LUZP2: variants seen among roughly 807,000 people sequenced by gnomAD.
LUZP2 encodes leucine zipper protein 2.
LUZP2 carries 52 observed loss-of-function variants against 51.6 expected under a neutral mutation model. That is an observed-to-expected ratio of 1.01 (90% CI 0.81 to 1.27). The LOEUF (loss-of-function observed/expected upper bound fraction) is 1.27, where lower values mean the gene tolerates loss of function less well. Ranked by LOEUF, LUZP2 falls within the 50% of genes most tolerant of loss-of-function variation. The probability of loss-of-function intolerance (pLI) is 0.00; values close to 1 mark genes in which losing one functional copy is unlikely to be tolerated. For missense variants in LUZP2, 436 were observed against 395.4 expected, an observed-to-expected ratio of 1.10 and a Z score of -0.87; for synonymous variants, 154 against 137.3, an observed-to-expected ratio of 1.12 and a Z score of -0.85.
chr11:24,799,420 AC>A (rs1444729455), intron 5 of LUZP2, among the ~76,000 whole-genome samples: 1 of 151,914 alleles, frequency 6.6e-6, no homozygotes, highest in Non-Finnish European at 1.5e-5. Flanking sequence ...ACATGGTGAA[AC>A]CCCGTCCCTA....
chr11:24,690,003 T>A (rs1328174491), intron 1 of LUZP2, among the ~76,000 whole-genome samples: 1 of 152,158 alleles, frequency 6.6e-6, no homozygotes, highest in Non-Finnish European at 1.5e-5. Flanking sequence ...GCTATTTTCT[T>A]ATACATGTAT....
intron 7 of LUZP2, among the ~76,000 whole-genome samples, chr11:24,961,152 G>T (rs1483929324): frequency 1.3e-5 from 2 of 152,238 alleles, no homozygotes; most frequent in East Asian, 1.9e-4. Flanking sequence ...TTGCTGAGGA[G>T]AGCTTTACTT....
At chr11:24,780,981 A>G (rs1325724134) in intron 5 of LUZP2, among the ~76,000 whole-genome samples, 1 of 152,148 alleles carries the variant, frequency 6.6e-6, no homozygotes, top group Non-Finnish European at 1.5e-5. Context: ...AAGAGAAATA[A>G]AAGTCATATA....
At chr11:25,033,636 T>G (rs940417959) in intron 9 of LUZP2, among the ~76,000 whole-genome samples, 6 of 152,140 alleles carry the variant, frequency 3.9e-5, no homozygotes, top group African/African-American at 1.4e-4. Context: ...CCATGTGTGC[T>G]CAGTGGTTAG....
intron 1 of LUZP2, among the ~76,000 whole-genome samples, chr11:24,693,544 T>C (rs1173198041): frequency 6.6e-6 from 1 of 151,952 alleles, no homozygotes; most frequent in Non-Finnish European, 1.5e-5. Context: ...GGAAGTTTTA[T>C]TTTCACACAA....
intron 3 of LUZP2, among the ~76,000 whole-genome samples, chr11:24,733,725 T>C (rs1858813744): frequency 1.3e-5 from 2 of 151,150 alleles, no homozygotes; most frequent in Middle Eastern, 3.4e-3. Context: ...CTATAGTTAA[T>C]AATAAACTGT....
chr11:24,509,633 A>G (rs918823326), intron 1 of LUZP2, among the ~76,000 whole-genome samples: 12 of 150,090 alleles, frequency 8.0e-5, no homozygotes, highest in African/African-American at 2.9e-4. Flanking sequence ...AACATATTAT[A>G]TGTTATATAC....
intron 5 of LUZP2, among the ~76,000 whole-genome samples, chr11:24,873,891 A>G (rs1852162091): frequency 1.3e-5 from 2 of 152,198 alleles, no homozygotes; most frequent in Admixed American, 1.3e-4. Flanking sequence ...AAAATTGTAT[A>G]AAATAGTAAC....
intron 1 of LUZP2, among the ~76,000 whole-genome samples, chr11:24,726,341 A>G (rs992054076): frequency 6.6e-6 from 1 of 152,096 alleles, no homozygotes. Flanking sequence ...AGAACACCAG[A>G]AGATACTAAG....
intron 1 of LUZP2, among the ~76,000 whole-genome samples, chr11:24,537,015 C>T (rs1052135674): frequency 1.3e-5 from 2 of 151,754 alleles, no homozygotes; most frequent in African/African-American, 2.4e-5. Context: ...GCTAGTTGGT[C>T]GAGCAGTCAG....
intron 5 of LUZP2, among the ~76,000 whole-genome samples, chr11:24,874,982 C>G (rs1047279028): frequency 2.0e-5 from 3 of 152,116 alleles, no homozygotes; most frequent in African/African-American, 7.2e-5. Context: ...TTCCCAGCAT[C>G]CTTTGAAGCT....
chr11:24,815,026 A>C, intron 5 of LUZP2, among the ~76,000 whole-genome samples: 1 of 151,884 alleles, frequency 6.6e-6, no homozygotes, highest in Non-Finnish European at 1.5e-5. Flanking sequence ...TCAATGTGAA[A>C]GCAAAATTGA....
chr11:25,019,560 C>T (rs983844322), intron 9 of LUZP2, among the ~76,000 whole-genome samples: 2 of 152,002 alleles, frequency 1.3e-5, no homozygotes, highest in African/African-American at 2.4e-5. Flanking sequence ...GCCTTATACT[C>T]CACCAAAACA....
intron 1 of LUZP2, among the ~76,000 whole-genome samples, chr11:24,501,682 T>A (rs1403372669): frequency 3.3e-5 from 5 of 152,188 alleles, no homozygotes; most frequent in Non-Finnish European, 7.3e-5. Context: ...GACATGTCTT[T>A]GATGTTTCAT....
At chr11:24,797,309 C>T (rs909532757) in intron 5 of LUZP2, among the ~76,000 whole-genome samples, 3 of 152,068 alleles carry the variant, frequency 2.0e-5, no homozygotes, top group Non-Finnish European at 2.9e-5. Flanking sequence ...ATCCAAGGGT[C>T]GTAGAAATTC....
intron 9 of LUZP2, among the ~76,000 whole-genome samples, chr11:25,017,882 T>C (rs1857202299): frequency 6.6e-6 from 1 of 152,184 alleles, no homozygotes. Context: ...CATGGTTATC[T>C]TCATGATAAT....
At chr11:25,014,653 T>C (rs373983287) in intron 9 of LUZP2, among the ~76,000 whole-genome samples, 4 of 152,068 alleles carry the variant, frequency 2.6e-5, no homozygotes, top group African/African-American at 4.8e-5. Context: ...GATATTAGCC[T>C]TTTGTCAGAT....
chr11:24,985,261 C>A (rs1856156571), intron 9 of LUZP2, among the ~76,000 whole-genome samples: 1 of 151,486 alleles, frequency 6.6e-6, no homozygotes, highest in African/African-American at 2.4e-5. Flanking sequence ...AAGAAAACTG[C>A]CGGATTTGTT....
rs1850459683 is a variant in LUZP2, at chr11:24,824,369, A to AAAAAAAAAAAAAAAAAAT, written c.396+61078_396+61079insTAAAAAAAAAAAAAAAAA. On this transcript the variant is annotated intron_variant, in intron 5 of 11. Transcript: ENST00000336930. ...CAAGAAGAGCAAAACCCCATCTCAA[A>AAAAAAAAAAAAAAAAAAT]AAAAAAAAAAAAAAAAAAAAAAAAT... Among the ~76,000 whole-genome samples the AAAAAAAAAAAAAAAAAAT allele has an allele frequency of 1.4e-5, 2 of 139,436 alleles. 1 individual carries two copies. The highest frequency in any genetic ancestry group is 3.1e-5 in the Non-Finnish European group (2 of 64,716). The allele number at this position is 139,436 out of a possible 152,430, so 91.5% of individuals were successfully genotyped here.
Sources: gnomAD v4.1 joint callset for allele counts (sites outside exome capture counted in the v4.1 genomes callset) on GRCh38, gnomAD v4.1.1 for gene constraint, MANE v1.5 for transcripts, NCBI Gene and HGNC (gene_info 2026-07-23, HGNC 2026-07-21) for gene names.